Variants in LANCL1 observed in about 807,000 individuals in gnomAD.
LANCL1 encodes the protein LanC like glutathione S-transferase 1.
Under a neutral mutation model 50.6 loss-of-function variants are expected in LANCL1, and 50 were observed. The observed-to-expected ratio is 0.99, with a 90% CI of 0.79 to 1.25. The LOEUF is 1.25. Among genes scored for constraint, LANCL1 ranks in the 50% most tolerant of loss-of-function variants. LANCL1 has a pLI of 0.00. For synonymous variants in LANCL1, 188 were observed against 178.6 expected (o/e 1.05, Z -0.42); for missense variants, 532 against 480.7 (o/e 1.11, Z -1.00).
chr2:210,454,228 A>G (rs1244203741), intron 4 of LANCL1, among the ~76,000 whole-genome samples: 1 of 21,762 alleles, frequency 4.6e-5, no homozygotes, highest in Non-Finnish European at 7.4e-5. Flanking sequence ...ATACACACAC[A>G]CACACACACA....
rs112877444 is a variant in LANCL1, at chr2:210,476,459, G to C, written c.-16-47C>G. The stretch of plus-strand genomic sequence containing the variant: ...GAAACTAGGTTGAGATAGGGGCCTC[G>C]GCCGAGTTGCGAGGGCGGCGGCGGC... On this transcript the variant is annotated intron_variant, in intron 1 of 9. Coordinates refer to ENST00000450366, the MANE Select transcript of LANCL1 (RefSeq NM_006055.3). 15 of 1,515,972 alleles carry C rather than the reference G, an allele frequency of 9.9e-6. No homozygotes were observed. In the African/African-American group the frequency reaches 1.5e-4, roughly 15 times the overall value. The allele number at this position is 1,515,972 out of a possible 1,614,324, so 93.9% of individuals were successfully genotyped here.
In LANCL1 at chr2:210,460,178, T is replaced by C. The variant is rs147092538; in HGVS notation, c.200-4864A>G. On this transcript the variant is annotated intron_variant, in intron 3 of 9. Transcript: ENST00000450366. Reference sequence around the variant, plus strand: ...ATTTTTCATTTGTTTTACGACCAGCTTACAGTGATGTAAAAAGCTTTGTGC... The same window carrying C: ...ATTTTTCATTTGTTTTACGACCAGCCTACAGTGATGTAAAAAGCTTTGTGC... Among the ~76,000 whole-genome samples, 17 of 152,310 alleles carry C rather than the reference T, an allele frequency of 1.1e-4. 1 individual carries two copies. The East Asian group carries it at 3.1e-3, about 28-fold the overall frequency.
intron 3 of LANCL1, among the ~76,000 whole-genome samples, chr2:210,457,257 A>T (rs1429308631): frequency 6.6e-6 from 1 of 152,214 alleles, no homozygotes; most frequent in Non-Finnish European, 1.5e-5. Flanking sequence ...CAGGTCAGGA[A>T]AATAAGACAA....
chr2:210,451,101 T>C (rs1693497590), intron 4 of LANCL1, among the ~76,000 whole-genome samples: 1 of 152,128 alleles, frequency 6.6e-6, no homozygotes, highest in South Asian at 2.1e-4. Context: ...AAAGATAGAC[T>C]GGATAAAGAA....
chr2:210,459,087 T>C (rs1206653012), intron 3 of LANCL1, among the ~76,000 whole-genome samples: 5 of 152,118 alleles, frequency 3.3e-5, no homozygotes, highest in African/African-American at 7.2e-5. Flanking sequence ...TCTTCTCTTC[T>C]AGACCAGAAA....
rs780687069 is a variant in LANCL1, at chr2:210,433,025, C to T, written c.*1462G>A. On this transcript the variant is annotated 3_prime_UTR_variant, in exon 10 of 10. Coordinates refer to ENST00000450366, the MANE Select transcript of LANCL1 (RefSeq NM_006055.3). ...AGACTGCTACCTGCAGGAACCAGTA[C>T]ACACTCAGTGGGGATTTGGTTTGAA... 1 of 152,654 alleles carries T rather than the reference C, an allele frequency of 6.6e-6. No individual in the cohort carries two copies. Among genetic ancestry groups the T allele is most frequent in the African/African-American group, 2.4e-5 (1 of 41,462 alleles). The allele number at this position is 152,654 out of a possible 1,614,324, so 9.5% of individuals were successfully genotyped here.
rs866694517 is a variant in LANCL1, at chr2:210,434,451, G to A, written c.*36C>T. 6.5e-7 allele frequency: 1 copy of A among 1,540,506 alleles called. No individual in the cohort carries two copies. The highest frequency in any genetic ancestry group is 1.1e-5 in the South Asian group (1 of 87,912). ...AGCTTGGGTTTGAATATACAGAAAGGGTCATGCAGTGAGTTGCAGGTGGCA... is the reference window on the plus strand; with the variant it reads ...AGCTTGGGTTTGAATATACAGAAAGAGTCATGCAGTGAGTTGCAGGTGGCA... On this transcript the variant is annotated 3_prime_UTR_variant, in exon 10 of 10. Transcript: ENST00000450366.
chr2:210,455,404 G>T, intron 3 of LANCL1, 90 bp from the exon 4 acceptor site: 1 of 1,056,200 alleles, frequency 9.5e-7, no homozygotes, highest in Non-Finnish European at 1.4e-6. Context: ...AGCGATTTTT[G>T]ATAACCTGTA....
chr2:210,465,116 C>A (rs1047022927), intron 3 of LANCL1, among the ~76,000 whole-genome samples: 2 of 152,206 alleles, frequency 1.3e-5, no homozygotes, highest in South Asian at 4.1e-4. Context: ...AACTTCTTAG[C>A]CACCTCCTGT....
chr2:210,435,411 C>T lies in LANCL1; in HGVS notation c.1099G>A (p.Asp367Asn), dbSNP rs2105881921. 3 of 1,613,340 alleles carry T rather than the reference C, an allele frequency of 1.9e-6. No homozygotes were observed. The highest frequency in any genetic ancestry group is 2.5e-6 in the Non-Finnish European group (3 of 1,179,414). The stretch of plus-strand genomic sequence containing the variant: ...CCTTCAAAGAGAGAGAAAGGGGTGT[C>T]TGGTGTTCTGCATCCATGTTCTCCA... ...EYGEHGCRTP[D>N]TPFSLFEGMA... Residue 367 changes from aspartate (D) to asparagine (N), a missense_variant, in exon 9 of 10, where the codon GAC becomes AAC. Coordinates refer to ENST00000450366, the MANE Select transcript of LANCL1 (RefSeq NM_006055.3).
chr2:210,453,329 T>G (rs982881902), intron 4 of LANCL1, among the ~76,000 whole-genome samples: 2 of 152,176 alleles, frequency 1.3e-5, no homozygotes, highest in Non-Finnish European at 2.9e-5. Flanking sequence ...TGTGTTAGAA[T>G]AGGCCCTCAA....
chr2:210,462,189 T>A (rs1227377900), intron 3 of LANCL1, among the ~76,000 whole-genome samples: 1 of 152,144 alleles, frequency 6.6e-6, no homozygotes, highest in Non-Finnish European at 1.5e-5. Flanking sequence ...GTGGATTTGA[T>A]CTTAAGGGGC....
intron 6 of LANCL1, among the ~76,000 whole-genome samples, chr2:210,438,379 C>T (rs1693012104): frequency 6.6e-6 from 1 of 152,118 alleles, no homozygotes; most frequent in Non-Finnish European, 1.5e-5. Flanking sequence ...AGATGATCCG[C>T]CCACCTTGGC....
At chr2:210,451,706 G>T (rs1693515376) in intron 4 of LANCL1, among the ~76,000 whole-genome samples, 1 of 152,118 alleles carries the variant, frequency 6.6e-6, no homozygotes, top group Non-Finnish European at 1.5e-5. Context: ...GAATTCCAAA[G>T]CCCCCATAGC....
At chr2:210,444,795 G>A (rs1431664955) in intron 4 of LANCL1, among the ~76,000 whole-genome samples, 7 of 151,938 alleles carry the variant, frequency 4.6e-5, no homozygotes, top group Admixed American at 4.6e-4. Context: ...TAAAACAATA[G>A]GGCTTATGGA....
chr2:210,434,526 T>A lies in LANCL1; in HGVS notation c.1161A>T (p.Leu387=), dbSNP rs1370658739. The part of the protein sequence containing the change: ...AGTIYFLADL[L]VPTKARFPAF... ...CAGGGAACCTGGCTTTTGTGGGGACTAGCAGGTCAGCCAGGAAATATATTG... is the reference window on the plus strand; with the variant it reads ...CAGGGAACCTGGCTTTTGTGGGGACAAGCAGGTCAGCCAGGAAATATATTG... The change falls in exon 10 of 10, where the codon CTA becomes CTT. Residue 387 remains leucine, a synonymous_variant. Transcript: ENST00000450366. 1 of 1,613,416 alleles carries A rather than the reference T, an allele frequency of 6.2e-7. No individual in the cohort carries two copies. The highest frequency in any genetic ancestry group is 2.2e-5 in the East Asian group (1 of 44,882).
At chr2:210,448,512 T>C (rs1030951475) in intron 4 of LANCL1, among the ~76,000 whole-genome samples, 3 of 151,868 alleles carry the variant, frequency 2.0e-5, no homozygotes, top group Non-Finnish European at 4.4e-5. Context: ...AGAGCAGAAC[T>C]GAAGGAGATA....
intron 6 of LANCL1, among the ~76,000 whole-genome samples, chr2:210,439,229 A>C (rs1693042845): frequency 1.3e-5 from 2 of 152,232 alleles, no homozygotes; most frequent in African/African-American, 4.8e-5. Flanking sequence ...AAATCATTTC[A>C]AAGAGATGAT....
At chr2:210,441,740 T>C (rs182800944) in intron 4 of LANCL1, among the ~76,000 whole-genome samples, 35 of 152,214 alleles carry the variant, frequency 2.3e-4, no homozygotes, top group African/African-American at 7.5e-4. Context: ...ATTTTAGCAG[T>C]TGGGGTCAAA....
Sources: allele counts gnomAD v4.1 joint callset (sites outside exome capture counted in the v4.1 genomes callset), GRCh38; gene constraint gnomAD v4.1.1; transcripts MANE v1.5; gene names NCBI Gene and HGNC (gene_info 2026-07-23, HGNC 2026-07-21).